DYNC1I1: variants seen among roughly 807,000 people sequenced by gnomAD.
DYNC1I1 encodes the protein cytoplasmic dynein 1 intermediate chain 1.
A neutral mutation model predicts 86.6 loss-of-function variants in DYNC1I1; 43 were observed. The ratio of observed to expected loss-of-function variants is 0.50; its 90% CI spans 0.39 to 0.64. The LOEUF is 0.64. DYNC1I1 is among the 30% of genes least tolerant of loss of function. The probability of loss-of-function intolerance (pLI) is 0.00; values close to 1 mark genes in which losing one functional copy is unlikely to be tolerated. For synonymous variants in DYNC1I1, 262 were observed against 283.7 expected, an observed-to-expected ratio of 0.92 and a Z score of 0.77; for missense variants, 604 against 788.8, an observed-to-expected ratio of 0.77 and a Z score of 2.81.
At chr7:96,100,495 A>G (rs1169507853), downstream of DYNC1I1, among the ~76,000 whole-genome samples, 3 of 152,126 alleles carry the variant, frequency 2.0e-5, no homozygotes, top group Non-Finnish European at 4.4e-5. Context: ...CCTAGGCCTT[A>G]TAAAAGAACA....
chr7:95,865,546 A>G (rs1408802496), intron 5 of DYNC1I1, among the ~76,000 whole-genome samples: 1 of 152,212 alleles, frequency 6.6e-6, no homozygotes, highest in African/African-American at 2.4e-5. Context: ...CAGTCTAGTC[A>G]TGGGTGAGAG....
At chr7:96,012,481 C>A (rs1049539157) in intron 10 of DYNC1I1, among the ~76,000 whole-genome samples, 1 of 152,246 alleles carries the variant, frequency 6.6e-6, no homozygotes, top group Non-Finnish European at 1.5e-5. Flanking sequence ...TGGGAGTAAA[C>A]AATTCAAATT....
chr7:95,929,675 T>C (rs796834102), intron 6 of DYNC1I1, among the ~76,000 whole-genome samples: 65 of 152,350 alleles, frequency 4.3e-4, no homozygotes, highest in African/African-American at 1.5e-3. Flanking sequence ...CAGAAGTCCA[T>C]ATTCAGTCTC....
intron 5 of DYNC1I1, among the ~76,000 whole-genome samples, chr7:95,868,043 A>G (rs1358949490): frequency 2.0e-5 from 3 of 152,168 alleles, no homozygotes; most frequent in Non-Finnish European, 2.9e-5. Context: ...GATATATGGT[A>G]TGTGCTTTCC....
intron 6 of DYNC1I1, among the ~76,000 whole-genome samples, chr7:95,960,815 C>G (rs112317522): frequency 6.6e-6 from 1 of 152,182 alleles, no homozygotes; most frequent in African/African-American, 2.4e-5. Flanking sequence ...GAGCAGGCAC[C>G]AATCCAGATA....
intron 6 of DYNC1I1, among the ~76,000 whole-genome samples, chr7:95,963,244 C>T (rs1389424668): frequency 6.6e-6 from 1 of 152,098 alleles, no homozygotes; most frequent in Non-Finnish European, 1.5e-5. Context: ...TTAACCTCAC[C>T]CCTATTTAAT....
intron 14 of DYNC1I1, among the ~76,000 whole-genome samples, chr7:96,070,886 C>T (rs1034413016): frequency 4.6e-5 from 7 of 152,178 alleles, no homozygotes; most frequent in African/African-American, 1.7e-4. Context: ...TAGAAACTCA[C>T]CTCTTGTGAA....
intron 1 of DYNC1I1, among the ~76,000 whole-genome samples, chr7:95,786,128 C>T (rs1794139025): frequency 6.6e-6 from 1 of 151,936 alleles, no homozygotes; most frequent in Non-Finnish European, 1.5e-5. Context: ...AGGGCAGGAC[C>T]AAAGGGCAGA....
In DYNC1I1 at chr7:96,022,866, T is replaced by C. The variant is rs147102801; in HGVS notation, c.970-5309T>C. Among the ~76,000 whole-genome samples the C allele has an allele frequency of 7.0e-3, 1,065 of 151,532 alleles. 7 individuals carry two copies. Among genetic ancestry groups the C allele is most frequent in the Non-Finnish European group, 0.011 (777 of 67,938 alleles). ...GCCTGGGTGACAGAGCAAGACCTTG[T>C]CTCAATAATAATAATAATAATAATA... On this transcript the variant is annotated intron_variant, in intron 10 of 16. Transcript: ENST00000447467.
At chr7:96,033,945 G>A (rs1024503424) in intron 12 of DYNC1I1, among the ~76,000 whole-genome samples, 5 of 152,008 alleles carry the variant, frequency 3.3e-5, no homozygotes, top group African/African-American at 1.2e-4. Context: ...AGGAGTTCGA[G>A]GTTGCAGTGA....
At chr7:96,091,409 A>C (rs1317173135) in intron 16 of DYNC1I1, among the ~76,000 whole-genome samples, 1 of 152,200 alleles carries the variant, frequency 6.6e-6, no homozygotes, top group Non-Finnish European at 1.5e-5. Flanking sequence ...TCTAATTGAA[A>C]AATTACAAAG....
chr7:95,864,437 A>C (rs1418617843), intron 5 of DYNC1I1, among the ~76,000 whole-genome samples: 2 of 152,172 alleles, frequency 1.3e-5, no homozygotes, highest in African/African-American at 4.8e-5. Context: ...TTTTCTTTTC[A>C]GAAGAAACAT....
chr7:96,074,550 CAAAAAA>C (rs61571160), intron 14 of DYNC1I1, among the ~76,000 whole-genome samples: 137 of 66,938 alleles, frequency 2.0e-3, no homozygotes, highest in African/African-American at 6.0e-3. Context: ...GACTCCGTCT[CAAAAAA>C]AAAAAAAAAA....
intron 6 of DYNC1I1, among the ~76,000 whole-genome samples, chr7:95,911,329 G>A (rs539883176): frequency 3.6e-4 from 55 of 152,260 alleles, no homozygotes; most frequent in African/African-American, 1.2e-3. Flanking sequence ...GAGGAGGAAG[G>A]CATTCAGATT....
chr7:95,838,109 G>A (rs867737687), intron 5 of DYNC1I1, among the ~76,000 whole-genome samples: 17 of 152,292 alleles, frequency 1.1e-4, no homozygotes, highest in Middle Eastern at 3.4e-3. Context: ...TCATTGCCAA[G>A]GCCAATGTCG....
chr7:96,107,049 C>T (rs1057179174), intron 16 of DYNC1I1, among the ~76,000 whole-genome samples: 2 of 144,922 alleles, frequency 1.4e-5, no homozygotes, highest in African/African-American at 5.1e-5. Context: ...TTTTTTTTGA[C>T]AGCGTCTCAC....
intron 6 of DYNC1I1, among the ~76,000 whole-genome samples, chr7:95,920,107 G>C (rs1287260322): frequency 1.3e-5 from 2 of 152,194 alleles, no homozygotes; most frequent in African/African-American, 4.8e-5. Context: ...GGGGGAAGGA[G>C]TAATCCTATA....
intron 6 of DYNC1I1, among the ~76,000 whole-genome samples, chr7:95,906,500 A>G (rs1361511428): frequency 6.7e-6 from 1 of 150,296 alleles, no homozygotes; most frequent in African/African-American, 2.5e-5. Context: ...TTAAAACACC[A>G]CCTTTACGTA....
intron 6 of DYNC1I1, among the ~76,000 whole-genome samples, chr7:95,944,935 A>G (rs1331883551): frequency 2.6e-5 from 4 of 151,684 alleles, no homozygotes; most frequent in African/African-American, 7.3e-5. Context: ...ATGACGAGTT[A>G]ATGGGTGCAG....
Sources: gnomAD v4.1 joint callset for allele counts (sites outside exome capture counted in the v4.1 genomes callset) on GRCh38, gnomAD v4.1.1 for gene constraint, MANE v1.5 for transcripts, NCBI Gene and HGNC (gene_info 2026-07-23, HGNC 2026-07-21) for gene names.